GABBR2: variants seen among roughly 807,000 people sequenced by gnomAD.
The protein encoded by GABBR2 is G-protein coupled receptor 51.
Under a neutral mutation model 105.6 loss-of-function variants are expected in GABBR2, and 23 were observed. The ratio of observed to expected loss-of-function variants is 0.22; its 90% CI spans 0.16 to 0.31. GABBR2 has a LOEUF of 0.31. Among genes scored for constraint, GABBR2 ranks in the 10% least tolerant of loss-of-function variants. The pLI is 1.00. For synonymous variants in GABBR2, 478 were observed against 499.7 expected, an observed-to-expected ratio of 0.96 and a Z score of 0.58; for missense variants, 734 against 1,245.5, an observed-to-expected ratio of 0.59 and a Z score of 6.18.
At chr9:98,697,379 T>C (rs1309981883) in intron 1 of GABBR2, among the ~76,000 whole-genome samples, 1 of 151,922 alleles carries the variant, frequency 6.6e-6, no homozygotes, top group Non-Finnish European at 1.5e-5. Flanking sequence ...TAGTCCCAGC[T>C]ACTCGGAAGG....
chr9:98,305,980 T>C, intron 15 of GABBR2, 141 bp downstream of exon 15: 2 of 650,806 alleles, frequency 3.1e-6, no homozygotes, highest in Non-Finnish European at 5.3e-6. Context: ...GTGCATTTTC[T>C]GAATTTTCTA....
chr9:98,549,109 T>C (rs1196100668), intron 2 of GABBR2, among the ~76,000 whole-genome samples: 3 of 120,754 alleles, frequency 2.5e-5, no homozygotes, highest in African/African-American at 8.0e-5. Flanking sequence ...TAATTTCTTT[T>C]TGTTTTGGGA....
chr9:98,673,979 C>T (rs1248467298), intron 1 of GABBR2, among the ~76,000 whole-genome samples: 1 of 152,190 alleles, frequency 6.6e-6, no homozygotes, highest in African/African-American at 2.4e-5. Context: ...ACATACCCCA[C>T]ATCAATCCTC....
intron 3 of GABBR2, among the ~76,000 whole-genome samples, chr9:98,507,182 T>C (rs1782262175): frequency 1.3e-5 from 2 of 152,130 alleles, no homozygotes; most frequent in Non-Finnish European, 2.9e-5. Context: ...CCCCCAACAA[T>C]GTCCATGTCC....
intron 3 of GABBR2, among the ~76,000 whole-genome samples, chr9:98,522,255 A>G (rs1211116798): frequency 6.6e-6 from 1 of 152,158 alleles, no homozygotes; most frequent in African/African-American, 2.4e-5. Context: ...TATGGAGAAT[A>G]AACTACAAAG....
intron 1 of GABBR2, among the ~76,000 whole-genome samples, chr9:98,584,921 G>A (rs995634507): frequency 2.6e-5 from 4 of 152,256 alleles, no homozygotes; most frequent in African/African-American, 7.2e-5. Context: ...ATTTGTCCTC[G>A]GCCAGCTCTG....
intron 7 of GABBR2, among the ~76,000 whole-genome samples, chr9:98,419,729 G>C (rs1832749398): frequency 1.3e-5 from 2 of 152,132 alleles, no homozygotes; most frequent in African/African-American, 4.8e-5. Flanking sequence ...CCCTCAGAAG[G>C]CCTTGTCAGA....
chr9:98,496,427 C>T lies in GABBR2; in HGVS notation c.718G>A (p.Val240Ile). 1 of 1,608,638 alleles carries T rather than the reference C, an allele frequency of 6.2e-7. No homozygotes were observed. Among genetic ancestry groups the T allele is most frequent in the Admixed American group, 1.7e-5 (1 of 60,002 alleles). Reference protein sequence around the residue: ...ESFSNDPCTSVKKLKGNDVRI... With the variant: ...ESFSNDPCTSIKKLKGNDVRI... ...GCCACACCTACCTTCAGCTTTTTGA[C>T]ACTGGTACAGGGATCGTTGGAGAAG... Residue 240 changes from valine (V) to isoleucine (I), a missense_variant, in exon 4 of 19, where the codon GTC becomes ATC. Val to Ile is a conservative substitution (Grantham distance 29). This residue lies in a region of GABBR2 where 370 missense variants were observed against 648.9 expected (regional missense o/e 0.57). Coordinates refer to ENST00000259455, the MANE Select transcript of GABBR2 (RefSeq NM_005458.8).
chr9:98,525,616 A>C (rs1441563260), intron 3 of GABBR2, among the ~76,000 whole-genome samples: 1 of 152,246 alleles, frequency 6.6e-6, no homozygotes, highest in East Asian at 1.9e-4. Flanking sequence ...GCAGTTTCTC[A>C]AAATGTTAAA....
chr9:98,295,385 T>C (rs1177494267), intron 17 of GABBR2, among the ~76,000 whole-genome samples: 1 of 152,176 alleles, frequency 6.6e-6, no homozygotes, highest in Non-Finnish European at 1.5e-5. Flanking sequence ...AGCGCTGAAG[T>C]GCTGGCTAGT....
chr9:98,517,662 T>TATTCCC (rs1588208157), intron 3 of GABBR2, among the ~76,000 whole-genome samples: 1 of 152,346 alleles, frequency 6.6e-6, no homozygotes, highest in East Asian at 1.9e-4. Context: ...TCATGTTGGT[T>TATTCCC]ATTCCCATTT....
At chr9:98,651,421 C>A (rs1328541289) in intron 1 of GABBR2, among the ~76,000 whole-genome samples, 1 of 150,400 alleles carries the variant, frequency 6.6e-6, no homozygotes, top group Non-Finnish European at 1.5e-5. Context: ...CCACTGTGCC[C>A]AGCTTATCAA....
At chr9:98,426,476 C>T (rs905534885) in intron 7 of GABBR2, among the ~76,000 whole-genome samples, 2 of 152,200 alleles carry the variant, frequency 1.3e-5, no homozygotes, top group Non-Finnish European at 2.9e-5. Flanking sequence ...TCTCACAGTG[C>T]TCAGCTCTGA....
At chr9:98,384,317 C>T (rs1832032904) in intron 11 of GABBR2, among the ~76,000 whole-genome samples, 1 of 152,158 alleles carries the variant, frequency 6.6e-6, no homozygotes, top group South Asian at 2.1e-4. Context: ...TAAGTGATTG[C>T]TAATACATAA....
intron 2 of GABBR2, 64 bp downstream of exon 2, chr9:98,577,871 C>A: frequency 6.7e-7 from 1 of 1,492,242 alleles, no homozygotes; most frequent in South Asian, 1.2e-5. Context: ...AGGAATAATT[C>A]CTGCAAAAGA....
intron 3 of GABBR2, among the ~76,000 whole-genome samples, chr9:98,530,972 CG>C (rs1172310694): frequency 1.3e-5 from 2 of 151,936 alleles, no homozygotes; most frequent in Non-Finnish European, 1.5e-5. Flanking sequence ...GAGCCTGGCC[CG>C]GGGCTGGGCA....
At chr9:98,609,750 T>G (rs1588251241) in intron 1 of GABBR2, among the ~76,000 whole-genome samples, 1 of 152,074 alleles carries the variant, frequency 6.6e-6, no homozygotes, top group African/African-American at 2.4e-5. Context: ...GCTCCTTGGG[T>G]GCCAGTGGCA....
chr9:98,576,311 A>C (rs577970687), intron 2 of GABBR2, among the ~76,000 whole-genome samples: 1 of 152,312 alleles, frequency 6.6e-6, no homozygotes, highest in East Asian at 1.9e-4. Flanking sequence ...CGAATACACC[A>C]GGTCCTTTCC....
chr9:98,636,439 G>A (rs1829877210), intron 1 of GABBR2, among the ~76,000 whole-genome samples: 1 of 151,466 alleles, frequency 6.6e-6, no homozygotes, highest in Admixed American at 6.6e-5. Context: ...TCACAAAGGG[G>A]CTACCAGGAT....
Sources: allele counts gnomAD v4.1 joint callset (sites outside exome capture counted in the v4.1 genomes callset), GRCh38; gene constraint gnomAD v4.1.1; regional missense constraint gnomAD v4.1.1; transcripts MANE v1.5; gene names NCBI Gene and HGNC (gene_info 2026-07-23, HGNC 2026-07-21).